Variants in GMPR observed in about 807,000 individuals in gnomAD.
GMPR encodes the protein guanosine monophosphate reductase, also known as GMP reductase 1.
Under a neutral mutation model 38.4 loss-of-function variants are expected in GMPR, and 31 were observed. The observed-to-expected ratio is 0.81, with a 90% CI of 0.61 to 1.09. GMPR has a LOEUF of 1.09. Ranked by LOEUF, GMPR falls within the 50% of genes least tolerant of loss-of-function variation. The pLI is 0.00. For missense variants in GMPR, 468 were observed against 453.7 expected, an observed-to-expected ratio of 1.03 and a Z score of -0.29; for synonymous variants, 162 against 173.3, an observed-to-expected ratio of 0.93 and a Z score of 0.51.
intron 6 of GMPR, among the ~76,000 whole-genome samples, chr6:16,281,927 C>G (rs1396720554): frequency 6.6e-6 from 1 of 152,212 alleles, no homozygotes; most frequent in Non-Finnish European, 1.5e-5. Context: ...TCAGCTCAGT[C>G]CTTGTAAGCA....
At chr6:16,261,023 A>G (rs959553468) in intron 4 of GMPR, among the ~76,000 whole-genome samples, 1 of 151,874 alleles carries the variant, frequency 6.6e-6, no homozygotes, top group Admixed American at 6.6e-5. Flanking sequence ...GAGTAAGTTG[A>G]GCATAGTTTG....
intron 1 of GMPR, among the ~76,000 whole-genome samples, chr6:16,245,350 G>C (rs1380932345): frequency 6.6e-6 from 1 of 152,212 alleles, no homozygotes; most frequent in African/African-American, 2.4e-5. Context: ...TGAGAAGCAA[G>C]AGAAATGTAA....
chr6:16,285,319 T>C (rs1182973633), intron 6 of GMPR, among the ~76,000 whole-genome samples: 1 of 152,242 alleles, frequency 6.6e-6, no homozygotes, highest in Non-Finnish European at 1.5e-5. Flanking sequence ...TCAATGTCCT[T>C]TTCTTGGCTC....
intron 1 of GMPR, among the ~76,000 whole-genome samples, chr6:16,245,420 A>C (rs886712638): frequency 1.3e-5 from 2 of 152,220 alleles, no homozygotes; most frequent in African/African-American, 4.8e-5. Flanking sequence ...TCGCAAAGTG[A>C]AAGTTGCCTC....
chr6:16,278,296 T>G lies in GMPR; in HGVS notation c.548-488T>G, dbSNP rs576073487. ...TCTGCCACAACCCCAGGAGGTTGTG[T>G]TTCTCTTTGGATTTTACAGGCCGGG... On this transcript the variant is annotated intron_variant, in intron 5 of 8. Coordinates refer to ENST00000259727, the MANE Select transcript of GMPR (RefSeq NM_006877.4). Among the ~76,000 whole-genome samples the G allele has an allele frequency of 7.9e-4, 121 of 152,274 alleles. 2 individuals carry two copies. In the South Asian group the frequency reaches 0.024, roughly 30 times the overall value.
intron 7 of GMPR, 136 bp downstream of exon 7, chr6:16,285,971 G>T (rs1223859262): frequency 1.3e-6 from 1 of 757,066 alleles, no homozygotes; most frequent in African/African-American, 1.7e-5. Context: ...CTCTCCCTGG[G>T]TTTCAGCCCC....
chr6:16,251,179 A>G (rs1416442380), intron 3 of GMPR, among the ~76,000 whole-genome samples: 1 of 152,280 alleles, frequency 6.6e-6, no homozygotes, highest in African/African-American at 2.4e-5. Context: ...AAAATAAGGT[A>G]TATCCATACA....
intron 5 of GMPR, among the ~76,000 whole-genome samples, chr6:16,278,236 G>A (rs1261955708): frequency 4.6e-5 from 7 of 152,146 alleles, no homozygotes. Context: ...GCCAGGCCCT[G>A]GGCCAAGCGG....
chr6:16,286,165 G>GT (rs1271886460), intron 7 of GMPR, among the ~76,000 whole-genome samples: 1 of 152,112 alleles, frequency 6.6e-6, no homozygotes, highest in Admixed American at 6.6e-5. Context: ...TACAGAGGGG[G>GT]TTTTTTGGAC....
At chr6:16,292,492 C>T (rs975886191) in intron 8 of GMPR, among the ~76,000 whole-genome samples, 3 of 152,154 alleles carry the variant, frequency 2.0e-5, no homozygotes, top group Admixed American at 6.5e-5. Flanking sequence ...GGGATTCACT[C>T]CTTCCAGGTA....
At position 16,278,929 on chromosome 6, in the gene GMPR, G is replaced by A. The variant is rs1319323003; in HGVS notation, c.654+39G>A. 5.4e-6 allele frequency: 7 copies of A among 1,290,150 alleles called. No individual in the cohort carries two copies. In the East Asian group the frequency reaches 1.2e-4, roughly 21 times the overall value. 79.9% of individuals were successfully genotyped at this position (1,290,150 alleles called of 1,614,324 possible). On this transcript the variant is annotated intron_variant, in intron 6 of 8. Transcript: ENST00000259727. ...CGGGGCTGAGGCTGGGGTGTCTTGG[G>A]AGGCCCCTGCTCCCTCGCTGCTCTT...
chr6:16,283,171 C>A (rs1019593238), intron 6 of GMPR, among the ~76,000 whole-genome samples: 9 of 152,138 alleles, frequency 5.9e-5, no homozygotes, highest in African/African-American at 2.2e-4. Context: ...CCTTCATGTC[C>A]TGTGATGCCA....
intron 4 of GMPR, among the ~76,000 whole-genome samples, chr6:16,256,790 AT>A (rs1758989140): frequency 6.6e-6 from 1 of 152,220 alleles, no homozygotes; most frequent in South Asian, 2.1e-4. Flanking sequence ...TTGTTCTAAT[AT>A]TTGGTCATTG....
intron 7 of GMPR, among the ~76,000 whole-genome samples, chr6:16,286,389 A>ACGGCTGC (rs1173574959): frequency 6.6e-6 from 1 of 151,798 alleles, no homozygotes; most frequent in Non-Finnish European, 1.5e-5. Flanking sequence ...GCAGTAAAGT[A>ACGGCTGC]CGGCTGCCGA....
intron 4 of GMPR, among the ~76,000 whole-genome samples, chr6:16,267,318 G>T (rs1759272430): frequency 1.3e-5 from 2 of 152,034 alleles, no homozygotes; most frequent in Non-Finnish European, 2.9e-5. Flanking sequence ...CTTGCAGTGA[G>T]CCGAGATCGC....
intron 4 of GMPR, among the ~76,000 whole-genome samples, chr6:16,261,850 A>T (rs2113680745): frequency 6.6e-6 from 1 of 151,840 alleles, no homozygotes; most frequent in Admixed American, 6.6e-5. Flanking sequence ...AGGTTGGGGG[A>T]TACAAGAGGA....
At chr6:16,294,875 T>C in intron 8 of GMPR, 131 bp from the exon 9 acceptor site, 1 of 680,900 alleles carries the variant, frequency 1.5e-6, no homozygotes, top group East Asian at 2.9e-5. Flanking sequence ...GGGGATGGGG[T>C]CAGAGGGTGG....
intron 2 of GMPR, among the ~76,000 whole-genome samples, chr6:16,249,340 T>C (rs770173842): frequency 4.6e-5 from 7 of 151,996 alleles, no homozygotes; most frequent in Non-Finnish European, 1.0e-4. Context: ...CCGGCTAATT[T>C]TTTGTATTTA....
At chr6:16,291,635 G>T (rs1384750743) in intron 8 of GMPR, among the ~76,000 whole-genome samples, 1 of 152,148 alleles carries the variant, frequency 6.6e-6, no homozygotes, top group Non-Finnish European at 1.5e-5. Context: ...ATGGGGCCAG[G>T]CACAGTGGCT....
Sources: gnomAD v4.1 joint callset for allele counts (sites outside exome capture counted in the v4.1 genomes callset) on GRCh38, gnomAD v4.1.1 for gene constraint, MANE v1.5 for transcripts, NCBI Gene and HGNC (gene_info 2026-07-23, HGNC 2026-07-21) for gene names.